The following LGALS12 variants were observed in gnomAD, a reference collection of about 807,000 sequenced individuals.
LGALS12 encodes galectin-12.
A neutral mutation model predicts 36.8 loss-of-function variants in LGALS12; 36 were observed. The observed-to-expected ratio is 0.98, with a 90% CI of 0.75 to 1.29. The LOEUF is 1.29. Ranked by LOEUF, LGALS12 falls within the 50% of genes most tolerant of loss-of-function variation. LGALS12 has a pLI of 0.00. For missense variants in LGALS12, 366 were observed against 394.3 expected, an observed-to-expected ratio of 0.93 and a Z score of 0.61; for synonymous variants, 145 against 155.9, an observed-to-expected ratio of 0.93 and a Z score of 0.52.
At chr11:63,515,780 T>C in intron 8 of LGALS12, 67 bp downstream of exon 8, 1 of 1,528,090 alleles carries the variant, frequency 6.5e-7, no homozygotes, top group Non-Finnish European at 8.9e-7. Flanking sequence ...CATAATGACC[T>C]GGGAGATGCT....
chr11:63,512,920 G>A (rs2016971433), intron 7 of LGALS12, among the ~76,000 whole-genome samples: 2 of 152,114 alleles, frequency 1.3e-5, no homozygotes, highest in Admixed American at 1.3e-4. Context: ...TGGAGGTAGG[G>A]GAGGGCAGAG....
chr11:63,515,521 C>T (rs1200989956), intron 7 of LGALS12, 42 bp from the exon 8 acceptor site: 1 of 1,607,964 alleles, frequency 6.2e-7, no homozygotes, highest in Non-Finnish European at 8.5e-7. Context: ...GGCCTATGGG[C>T]AATGGGCGCT....
intron 4 of LGALS12, 74 bp from the exon 5 acceptor site, chr11:63,510,389 C>A: frequency 1.4e-6 from 2 of 1,472,288 alleles, no homozygotes; most frequent in Non-Finnish European, 1.9e-6. Flanking sequence ...CAGGGCTCTG[C>A]CCACCTCCCA....
intron 3 of LGALS12, 30 bp downstream of exon 3, chr11:63,509,021 T>C (rs764132568): frequency 1.9e-6 from 3 of 1,572,720 alleles, no homozygotes; most frequent in Non-Finnish European, 2.6e-6. Context: ...TTGGGTGGTC[T>C]AGAATTTGTG....
chr11:63,513,761 T>C (rs2016994835), intron 7 of LGALS12, among the ~76,000 whole-genome samples: 1 of 152,192 alleles, frequency 6.6e-6, no homozygotes, highest in Non-Finnish European at 1.5e-5. Flanking sequence ...CTTCACCTCA[T>C]CCCTTCCCTC....
intron 1 of LGALS12, chr11:63,508,091 C>T (rs10897430): frequency 0.59 from 593,679 of 1,002,372 alleles, 176,314 homozygotes; most frequent in African/African-American, 0.66. Flanking sequence ...TTGTTAAGTG[C>T]CTCTCCAGGG....
rs2016812619 is a variant in LGALS12, at chr11:63,508,573, G to A, written c.90G>A (p.Thr30=). 2.5e-6 allele frequency: 4 copies of A among 1,614,130 alleles called. No homozygotes were observed. Among genetic ancestry groups the A allele is most frequent in the Non-Finnish European group, 3.4e-6 (4 of 1,180,018 alleles). The change falls in exon 2 of 9, where the codon ACG becomes ACA. Residue 30 remains threonine (T), a synonymous_variant. Coordinates refer to ENST00000394618, the MANE Select transcript of LGALS12 (RefSeq NM_033101.4). The part of the protein sequence containing the change: ...VFHPVVPYVT[T]IFGGLHAGKM... ...TTCAGGTGGTTCCTTATGTCACGAC[G>A]ATTTTTGGAGGCCTGCATGCAGGCA...
In LGALS12 at chr11:63,506,214, C is replaced by G; in HGVS notation, c.-245C>G. 2 of 637,774 alleles carry G rather than the reference C, an allele frequency of 3.1e-6. No individual in the cohort carries two copies. The highest frequency in any genetic ancestry group is 5.3e-6 in the Non-Finnish European group (2 of 374,216). 39.5% of individuals were successfully genotyped at this position (637,774 alleles called of 1,614,324 possible). A position where few individuals can be genotyped will look rare whatever the true frequency, so the allele number is the denominator to read the frequency against. ...TCCCCTGGACACTGAGTTCTGCTGACAGCCCCCGCCCAGCCAGAGCTCTGC... is the reference window on the plus strand; with the variant it reads ...TCCCCTGGACACTGAGTTCTGCTGAGAGCCCCCGCCCAGCCAGAGCTCTGC... On this transcript the variant is annotated 5_prime_UTR_variant, in exon 1 of 9. Transcript: ENST00000394618.
At position 63,506,315 on chromosome 11, in the gene LGALS12, A is replaced by T; in HGVS notation, c.-144A>T. On this transcript the variant is annotated 5_prime_UTR_variant, in exon 1 of 9. Coordinates refer to ENST00000394618, the MANE Select transcript of LGALS12 (RefSeq NM_033101.4). ...CCCTCCTAGGGCTGCTCCAGACAGC[A>T]TTAAAACGCTGCAGGTCGCAGGTGA... is the stretch of plus-strand genomic sequence containing the variant. 6.3e-7 allele frequency: 1 copy of T among 1,575,690 alleles called. No individual in the cohort carries two copies. Among genetic ancestry groups the T allele is most frequent in the Admixed American group, 1.7e-5 (1 of 58,566 alleles).
rs1418115279 is a variant in LGALS12, at chr11:63,515,707, C to A, written c.792C>A (p.Phe264Leu). Residue 264 changes from phenylalanine to leucine, a missense_variant, in exon 8 of 9, where the codon TTC (phenylalanine) becomes TTA (leucine). Physicochemically the swap from Phe to Leu is conservative, Grantham distance 22. Transcript: ENST00000394618. ...SAPFLFYPQR[F>L]FEVLLLFQEG... is the part of the protein sequence containing the mutation. Reference sequence around the variant, plus strand: ...CCTTCCTCTTTTACCCCCAGAGATTCTTTGAGGTAGGTCAGAGCCAAATGA... The same window carrying A: ...CCTTCCTCTTTTACCCCCAGAGATTATTTGAGGTAGGTCAGAGCCAAATGA... The A allele has an allele frequency of 1.9e-6, 3 of 1,613,908 alleles. No homozygotes were observed. Among genetic ancestry groups the A allele is most frequent in the Middle Eastern group, 1.6e-4 (1 of 6,080 alleles).
intron 1 of LGALS12, among the ~76,000 whole-genome samples, chr11:63,507,756 A>C (rs2016786449): frequency 2.6e-5 from 2 of 77,070 alleles, no homozygotes; most frequent in African/African-American, 4.4e-5. Context: ...TTTTTTTGAG[A>C]CCAAGTCTTG....
intron 5 of LGALS12, 61 bp from the exon 6 acceptor site, chr11:63,511,018 G>A: frequency 1.3e-6 from 2 of 1,543,200 alleles, no homozygotes; most frequent in East Asian, 2.2e-5. Context: ...AATAACAAGA[G>A]TTTCCCTTTT....
chr11:63,507,444 C>A (rs115568215), intron 1 of LGALS12, among the ~76,000 whole-genome samples: 2 of 152,112 alleles, frequency 1.3e-5, no homozygotes, highest in Non-Finnish European at 2.9e-5. Context: ...GCCCTCACGG[C>A]GTCAGGTGAG....
chr11:63,508,130 T>C, intron 1 of LGALS12: 1 of 1,047,884 alleles, frequency 9.5e-7, no homozygotes. Flanking sequence ...TGTCAGTTCC[T>C]AACTTGTCCA....
At chr11:63,514,574 A>C (rs1398747297) in intron 7 of LGALS12, among the ~76,000 whole-genome samples, 2 of 152,134 alleles carry the variant, frequency 1.3e-5, no homozygotes, top group Non-Finnish European at 2.9e-5. Flanking sequence ...TGTCTCAAAA[A>C]AATAAAATAA....
chr11:63,510,035 G>C (rs1348633124), intron 4 of LGALS12, 138 bp downstream of exon 4: 3 of 1,082,182 alleles, frequency 2.8e-6, no homozygotes, highest in Non-Finnish European at 3.9e-6. Context: ...CAAGGGGGAG[G>C]GAGTCCACTG....
intron 1 of LGALS12, among the ~76,000 whole-genome samples, chr11:63,507,692 TG>T (rs1442705364): frequency 6.6e-6 from 1 of 150,512 alleles, no homozygotes; most frequent in East Asian, 1.9e-4. Context: ...GTTGTAAAAC[TG>T]TATGATGTAT....
Position 63,506,387 on chromosome 11 carries a change from G to A in LGALS12, c.-72G>A, listed in dbSNP as rs1163172984. On this transcript the variant is annotated 5_prime_UTR_variant, in exon 1 of 9. Coordinates refer to ENST00000394618, the MANE Select transcript of LGALS12 (RefSeq NM_033101.4). ...CTCCAGGCATTTAGGACCCTGACTG[G>A]GGCAGATGAGTCAGCCCAGTGGGGG... 1.3e-5 allele frequency: 21 copies of A among 1,614,040 alleles called. No homozygotes were observed. Among genetic ancestry groups the A allele is most frequent in the Non-Finnish European group, 1.7e-5 (20 of 1,180,012 alleles).
At chr11:63,512,165 G>A (rs1447674418) in intron 7 of LGALS12, among the ~76,000 whole-genome samples, 1 of 152,198 alleles carries the variant, frequency 6.6e-6, no homozygotes, top group Non-Finnish European at 1.5e-5. Flanking sequence ...GAGCAAACAT[G>A]TAGCTTCCTA....
Sources: gnomAD v4.1 joint callset for allele counts (sites outside exome capture counted in the v4.1 genomes callset) on GRCh38, gnomAD v4.1.1 for gene constraint, MANE v1.5 for transcripts, NCBI Gene and HGNC (gene_info 2026-07-23, HGNC 2026-07-21) for gene names.